CUX1: variants seen among roughly 807,000 people sequenced by gnomAD.
The protein encoded by CUX1 is protein CASP.
In CUX1, 31 loss-of-function variants were observed where a neutral mutation model predicts 158.8. The observed-to-expected ratio is 0.20, with a 90% CI of 0.15 to 0.26. The LOEUF (loss-of-function observed/expected upper bound fraction) is 0.26. Among genes scored for constraint, CUX1 ranks in the 10% least tolerant of loss-of-function variants. The pLI is 1.00. For missense variants in CUX1, 1,589 were observed against 2,014.6 expected (o/e 0.79, Z 4.04); for synonymous variants, 879 against 862.1 (o/e 1.02, Z -0.34).
chr7:102,083,126 T>C lies in CUX1; in HGVS notation c.268+12709T>C, dbSNP rs782678123. Among the ~76,000 whole-genome samples the C allele has an allele frequency of 2.7e-5, 4 of 147,126 alleles. 1 individual carries two copies. Among genetic ancestry groups the C allele is most frequent in the Non-Finnish European group, 6.1e-5 (4 of 65,136 alleles). The stretch of plus-strand genomic sequence containing the variant: ...TCCCCTCATAAGAAATTGAGAGGAG[T>C]TCCAGTTGCTCCATGTCTTCTGTTT... On this transcript the variant is annotated intron_variant, in intron 4 of 23. Transcript: ENST00000292535.
intron 5 of CUX1, among the ~76,000 whole-genome samples, chr7:102,100,682 CAGGGGCCAGCACAA>C (rs1829675497): frequency 6.6e-6 from 1 of 152,034 alleles, no homozygotes; most frequent in Admixed American, 6.6e-5. Context: ...AAAGTTAGAG[CAGGGGCCAGCACAA>C]TGGCTCATGC....
intron 2 of CUX1, among the ~76,000 whole-genome samples, chr7:101,939,032 A>G (rs1344843988): frequency 8.0e-6 from 1 of 125,362 alleles, no homozygotes; most frequent in Non-Finnish European, 1.6e-5. Context: ...CAAGACCAAA[A>G]CTCTGTCTCA....
At chr7:102,208,254 GTGTC>G (rs1554522246) in intron 20 of CUX1, among the ~76,000 whole-genome samples, 1 of 152,040 alleles carries the variant, frequency 6.6e-6, no homozygotes, top group Non-Finnish European at 1.5e-5. Flanking sequence ...GTGTGTGTGT[GTGTC>G]TGTGTGATGG....
chr7:102,065,362 A>G lies in CUX1; in HGVS notation c.190-4977A>G, dbSNP rs527634357. ...CCCAAAGTGCTGGGATTACAGGTGCATGCCACCATGCCCAGCTAATTTTTA... is the reference window on the plus strand; with the variant it reads ...CCCAAAGTGCTGGGATTACAGGTGCGTGCCACCATGCCCAGCTAATTTTTA... On this transcript the variant is annotated intron_variant, in intron 3 of 23. Transcript: ENST00000292535. Among the ~76,000 whole-genome samples, 6 of 151,854 alleles carry G rather than the reference A, an allele frequency of 4.0e-5. No individual in the cohort carries two copies. In the East Asian group the frequency reaches 1.2e-3, roughly 29 times the overall value.
rs542950324 is a variant in CUX1 at position 102,249,198 on chromosome 7, G to A, written c.*156G>A. Reference sequence around the variant, plus strand: ...AGCCCGCAGCCCAGACCCCCTCCACGGTCCGCGGCCTGCACCGACCCGAGG... The same window carrying A: ...AGCCCGCAGCCCAGACCCCCTCCACAGTCCGCGGCCTGCACCGACCCGAGG... On this transcript the variant is annotated 3_prime_UTR_variant, in exon 24 of 24. Coordinates refer to ENST00000292535, the MANE Select transcript of CUX1 (RefSeq NM_181552.4). The A allele has an allele frequency of 3.7e-4, 418 of 1,119,252 alleles. 3 individuals are homozygous for A. Among genetic ancestry groups the A allele is most frequent in the South Asian group, 8.9e-5 (2 of 22,512 alleles). The allele number at this position is 1,119,252 out of a possible 1,614,324, so 69.3% of individuals were successfully genotyped here.
intron 1 of CUX1, among the ~76,000 whole-genome samples, chr7:101,839,458 C>G (rs375884040): frequency 3.9e-5 from 6 of 152,228 alleles, no homozygotes; most frequent in East Asian, 1.9e-4. Flanking sequence ...CTTACTCCCC[C>G]ACCCACAGTC....
chr7:102,169,141 C>A (rs895450036), intron 9 of CUX1, among the ~76,000 whole-genome samples: 3 of 151,880 alleles, frequency 2.0e-5, no homozygotes, highest in African/African-American at 7.3e-5. Flanking sequence ...CCACGTTGGT[C>A]AGGCTGGTCT....
At chr7:101,860,548 C>G (rs574056820) in intron 1 of CUX1, among the ~76,000 whole-genome samples, 64 of 152,260 alleles carry the variant, frequency 4.2e-4, no homozygotes, top group Non-Finnish European at 7.9e-4. Context: ...GTGTCACCTG[C>G]TGTCACCTGC....
At chr7:102,193,171 G>A (rs1794456679) in intron 12 of CUX1, among the ~76,000 whole-genome samples, 1 of 152,244 alleles carries the variant, frequency 6.6e-6, no homozygotes, top group African/African-American at 2.4e-5. Context: ...GGAGTGAGGT[G>A]TGGGCAGTGG....
chr7:102,202,661 G>A (rs782691737), intron 18 of CUX1, among the ~76,000 whole-genome samples: 3 of 152,162 alleles, frequency 2.0e-5, no homozygotes, highest in Non-Finnish European at 4.4e-5. Flanking sequence ...CCAGTACGCA[G>A]AGAGCCAAAA....
chr7:102,163,060 A>G (rs1440794568), intron 9 of CUX1, among the ~76,000 whole-genome samples: 1 of 152,198 alleles, frequency 6.6e-6, no homozygotes, highest in Non-Finnish European at 1.5e-5. Context: ...ACCCATTGGC[A>G]TGAGAAGCAT....
chr7:102,139,266 A>AT (rs1327059377), intron 8 of CUX1, among the ~76,000 whole-genome samples: 1 of 151,264 alleles, frequency 6.6e-6, no homozygotes, highest in Non-Finnish European at 1.5e-5. Context: ...AAAAAAAAAA[A>AT]AGGAATGGTA....
At position 102,201,713 on chromosome 7, in the gene CUX1, G is replaced by C. The variant is rs147691184; in HGVS notation, c.2416G>C (p.Val806Leu). 101 of 1,612,642 alleles carry C rather than the reference G, an allele frequency of 6.3e-5. No homozygotes were observed. The African/African-American group carries it at 1.2e-3, about 19-fold the overall frequency. ...GGGAGCAGCCGATTGTGCACAAGGG[G>C]TCCTGAGACAGGTGAAAAATGAGGT... ...PQGAADCAQG[V>L]LRQVKNEVGR... Residue 806 changes from valine (V) to leucine (L), a missense_variant, in exon 18 of 24, where the codon GTC becomes CTC. Coordinates refer to ENST00000292535, the MANE Select transcript of CUX1 (RefSeq NM_181552.4). This position sits in a 1 kb window ranked among gnomAD's most constrained non-coding sequence, Gnocchi z 5.0.
chr7:101,863,337 G>A (rs992560132), intron 1 of CUX1, among the ~76,000 whole-genome samples: 2 of 150,290 alleles, frequency 1.3e-5, no homozygotes, highest in Non-Finnish European at 3.0e-5. Context: ...TCTTTTGAGA[G>A]TTCTTTTTTT....
rs868971262 is a variant in CUX1, at chr7:102,195,513, G to A, written c.1132G>A (p.Ala378Thr). 2 of 1,611,470 alleles carry A rather than the reference G, an allele frequency of 1.2e-6. No homozygotes were observed. Among genetic ancestry groups the A allele is most frequent in the South Asian group, 2.2e-5 (2 of 90,828 alleles). The change falls in exon 14 of 24, where the codon GCC becomes ACC. Residue 378 changes from alanine (A) to threonine (T), a missense_variant. Ala to Thr is a moderately conservative substitution (Grantham distance 58). Around this residue, in one of 8 missense-constraint regions of CUX1, gnomAD observed 515 missense variants for 574.4 expected, o/e 0.90. Coordinates refer to ENST00000292535, the MANE Select transcript of CUX1 (RefSeq NM_181552.4). ...CCCGCTCTGCCCCTTCTAGGATGCG[G>A]CCAAGCCCCTGGAGGTGCTGTTGCT... ...PSEGAGTQDA[A>T]KPLEVLLLEK...
At position 102,253,184 on chromosome 7, in the gene CUX1, C is replaced by T; in HGVS notation, c.*4142C>T. On this transcript the variant is annotated 3_prime_UTR_variant, in exon 24 of 24. Coordinates refer to ENST00000292535, the MANE Select transcript of CUX1 (RefSeq NM_181552.4). ...TGTCTGATGTGGACGTTCAGGTCTG[C>T]TGGTTGGCGGTCCGGGCCCAGAGTG... The T allele has an allele frequency of 1.0e-6, 1 of 985,506 alleles. No homozygotes were observed. Among genetic ancestry groups the T allele is most frequent in the Non-Finnish European group, 1.2e-6 (1 of 829,976 alleles). The allele number at this position is 985,506 out of a possible 1,614,324, so 61.0% of individuals were successfully genotyped here. A position where few individuals can be genotyped will look rare whatever the true frequency, so the allele number is the denominator to read the frequency against.
chr7:102,239,436 C>T lies in CUX1; in HGVS notation c.3739C>T (p.Pro1247Ser). ...SPQPQHQLKK[P>S]RVVLAPEEKE... ...CCAGCCCCAGCACCAGCTGAAGAAA[C>T]CCCGGGTGGTGCTGGCTCCGGAGGA... is the stretch of plus-strand genomic sequence containing the variant. Residue 1247 changes from proline to serine, a missense_variant, in exon 23 of 24, where the codon CCC becomes TCC. This residue lies in a region of CUX1 where 259 missense variants were observed against 373.8 expected (regional missense o/e 0.69). Coordinates refer to ENST00000292535, the MANE Select transcript of CUX1 (RefSeq NM_181552.4). The T allele has an allele frequency of 6.2e-7, 1 of 1,613,998 alleles. No homozygotes were observed. Among genetic ancestry groups the T allele is most frequent in the Non-Finnish European group, 8.5e-7 (1 of 1,179,930 alleles).
At chr7:102,118,643 C>T (rs1490085547) in intron 8 of CUX1, among the ~76,000 whole-genome samples, 7 of 152,204 alleles carry the variant, frequency 4.6e-5, no homozygotes, top group Admixed American at 1.3e-4. Flanking sequence ...GGGTCCACTA[C>T]GAGCTCTCTG....
intron 4 of CUX1, among the ~76,000 whole-genome samples, chr7:102,092,469 C>A (rs1554482544): frequency 6.6e-6 from 1 of 152,274 alleles, no homozygotes; most frequent in Non-Finnish European, 1.5e-5. Flanking sequence ...CTGTGCCTCT[C>A]CTCTCCATGC....
Sources: gnomAD v4.1 joint callset for allele counts (sites outside exome capture counted in the v4.1 genomes callset) on GRCh38, gnomAD v4.1.1 for gene constraint, gnomAD v4.1.1 regional missense constraint, Gnocchi (gnomAD v3.1) non-coding constraint, MANE v1.5 for transcripts, NCBI Gene and HGNC (gene_info 2026-07-23, HGNC 2026-07-21) for gene names.